GLIS3: variants seen among roughly 807,000 people sequenced by gnomAD.
GLIS3 encodes GLIS family zinc finger 3.
A neutral mutation model predicts 78.6 loss-of-function variants in GLIS3; 53 were observed. The observed-to-expected ratio is 0.67, with a 90% CI of 0.54 to 0.85. The LOEUF (loss-of-function observed/expected upper bound fraction) is 0.85, where lower values mean the gene tolerates loss of function less well. Ranked by LOEUF, GLIS3 falls within the 40% of genes least tolerant of loss-of-function variation. The pLI, the probability that GLIS3 is intolerant of heterozygous loss-of-function variation, is 0.00. For missense variants in GLIS3, 1,703 were observed against 1,231.1 expected (o/e 1.38, Z -5.74); for synonymous variants, 684 against 509.9 (o/e 1.34, Z -4.60).
intron 2 of GLIS3, among the ~76,000 whole-genome samples, chr9:4,135,056 C>A (rs779203668): frequency 6.6e-6 from 1 of 152,214 alleles, no homozygotes; most frequent in East Asian, 1.9e-4. Context: ...GAAAGAAATA[C>A]ATTATTTATT....
At chr9:4,020,821 T>C (rs950381288) in intron 4 of GLIS3, among the ~76,000 whole-genome samples, 19 of 152,194 alleles carry the variant, frequency 1.2e-4, no homozygotes, top group African/African-American at 4.6e-4. Flanking sequence ...GTGTTTCAAA[T>C]TCTCTCTTGC....
At chr9:4,385,772 AGAAAGAAAGAAAGAAAGAAAGAAAG>A in the GLIS3 span, among the ~76,000 whole-genome samples, 1 of 69,304 alleles carries the variant, frequency 1.4e-5, no homozygotes, top group Non-Finnish European at 2.8e-5. Context: ...AAAGAAAGAA[AGAAAGAAAGAAAGAAAGAAAGAAAG>A]AAAGAAAGAA....
At chr9:4,078,680 G>A (rs1224302117) in intron 4 of GLIS3, among the ~76,000 whole-genome samples, 2 of 152,212 alleles carry the variant, frequency 1.3e-5, no homozygotes, top group African/African-American at 4.8e-5. Flanking sequence ...TTAGGTTAAG[G>A]ACAGGTCAGC....
chr9:3,840,265 C>T (rs922650151), intron 9 of GLIS3, among the ~76,000 whole-genome samples: 4 of 152,238 alleles, frequency 2.6e-5, no homozygotes, highest in East Asian at 1.9e-4. Flanking sequence ...ACACAACCTA[C>T]TACCATTAAG....
intron 4 of GLIS3, among the ~76,000 whole-genome samples, chr9:3,976,947 C>G (rs1286520179): frequency 1.3e-5 from 2 of 150,598 alleles, no homozygotes; most frequent in Non-Finnish European, 2.9e-5. Flanking sequence ...CCCAGCAATG[C>G]CTTCCGTTCA....
chr9:4,233,041 A>G (rs1028922144), intron 2 of GLIS3, among the ~76,000 whole-genome samples: 1 of 152,200 alleles, frequency 6.6e-6, no homozygotes, highest in South Asian at 2.1e-4. Flanking sequence ...AGCAATGCTT[A>G]TATTAATAAG....
chr9:4,198,943 A>G (rs1194232300), intron 2 of GLIS3, among the ~76,000 whole-genome samples: 1 of 152,228 alleles, frequency 6.6e-6, no homozygotes, highest in Admixed American at 6.5e-5. Context: ...CCAGCCAAGA[A>G]TTTCATATCC....
intron 2 of GLIS3, among the ~76,000 whole-genome samples, chr9:4,185,559 T>C (rs1256835163): frequency 6.6e-6 from 1 of 152,168 alleles, no homozygotes; most frequent in Non-Finnish European, 1.5e-5. Flanking sequence ...GGTTTATGTA[T>C]TCATCAATGT....
intron 2 of GLIS3, among the ~76,000 whole-genome samples, chr9:4,204,741 G>A (rs796748231): frequency 9.9e-5 from 15 of 151,966 alleles, no homozygotes; most frequent in African/African-American, 3.1e-4. Context: ...AACTCAAACC[G>A]TGTCTCTAGT....
At chr9:4,233,602 G>C (rs1340148307) in intron 2 of GLIS3, among the ~76,000 whole-genome samples, 1 of 152,168 alleles carries the variant, frequency 6.6e-6, no homozygotes, top group Non-Finnish European at 1.5e-5. Flanking sequence ...ATAGATCACA[G>C]GCAGAATAGA....
chr9:4,275,156 C>T (rs973669534), intron 2 of GLIS3, among the ~76,000 whole-genome samples: 13 of 152,048 alleles, frequency 8.5e-5, no homozygotes, highest in African/African-American at 2.2e-4. Flanking sequence ...ATGCATATAC[C>T]GATGTCACTC....
chr9:4,338,024 CTGTGTGTGTGTGTGTGTGTGTGTGTG>C (rs74777663), intron 2 of GLIS3, among the ~76,000 whole-genome samples: 1 of 138,972 alleles, frequency 7.2e-6, no homozygotes, highest in South Asian at 2.4e-4. Context: ...ATTGGCAAGG[CTGTGTGTGTGTGTGTGTGTGTGTGTG>C]TGTGTGTGTG....
chr9:4,474,832 G>A, the GLIS3 span, among the ~76,000 whole-genome samples: 26,576 of 151,024 alleles, frequency 0.18, 2,446 homozygotes, highest in Admixed American at 0.21. Flanking sequence ...GAGTAGCTGG[G>A]ACTACATGCA....
intron 2 of GLIS3, among the ~76,000 whole-genome samples, chr9:4,149,702 A>G (rs1434758324): frequency 1.3e-5 from 2 of 152,222 alleles, no homozygotes; most frequent in Non-Finnish European, 2.9e-5. Flanking sequence ...TTTGATGCAT[A>G]ACATGAAATT....
the GLIS3 span, among the ~76,000 whole-genome samples, chr9:4,435,538 G>A: frequency 2.0e-5 from 3 of 152,274 alleles, no homozygotes; most frequent in African/African-American, 7.2e-5. Flanking sequence ...GTCCTTTGAT[G>A]TTAATTTTGT....
upstream of GLIS3, among the ~76,000 whole-genome samples, chr9:4,350,697 T>C (rs1817957853): frequency 6.6e-6 from 1 of 152,222 alleles, no homozygotes; most frequent in African/African-American, 2.4e-5. Flanking sequence ...AATATCCTCC[T>C]TCATTCTGGA....
intron 3 of GLIS3, among the ~76,000 whole-genome samples, chr9:4,119,796 T>G (rs975600585): frequency 6.6e-6 from 1 of 152,248 alleles, no homozygotes; most frequent in South Asian, 2.1e-4. Flanking sequence ...TCAAAATGGT[T>G]CATAATGTAG....
chr9:3,963,386 C>G (rs1817709769), intron 4 of GLIS3, among the ~76,000 whole-genome samples: 4 of 152,202 alleles, frequency 2.6e-5, no homozygotes, highest in African/African-American at 9.7e-5. Context: ...GACTGCTCCC[C>G]CAGTATCACT....
At chr9:4,409,266 G>A in the GLIS3 span, among the ~76,000 whole-genome samples, 1 of 152,098 alleles carries the variant, frequency 6.6e-6, no homozygotes, top group Non-Finnish European at 1.5e-5. Context: ...TTTTAAACTG[G>A]ATTCTGATCC....
Sources: allele counts gnomAD v4.1 joint callset (sites outside exome capture counted in the v4.1 genomes callset), GRCh38; gene constraint gnomAD v4.1.1; transcripts MANE v1.5; gene names NCBI Gene and HGNC (gene_info 2026-07-23, HGNC 2026-07-21).